Variants in FAM227B observed in about 807,000 individuals in gnomAD.
The protein encoded by FAM227B is family with sequence similarity 227 member B.
Under a neutral mutation model 73.8 loss-of-function variants are expected in FAM227B, and 88 were observed. The observed-to-expected ratio is 1.19, with a 90% CI of 1.00 to 1.42. The LOEUF (loss-of-function observed/expected upper bound fraction) is 1.42. Among genes scored for constraint, FAM227B ranks in the 40% most tolerant of loss-of-function variants. FAM227B has a pLI of 0.00. For synonymous variants in FAM227B, 210 were observed against 190.5 expected, an observed-to-expected ratio of 1.10 and a Z score of -0.84; for missense variants, 632 against 590.9, an observed-to-expected ratio of 1.07 and a Z score of -0.72.
At chr15:49,403,903 T>C (rs1021234395) in intron 11 of FAM227B, among the ~76,000 whole-genome samples, 1 of 152,210 alleles carries the variant, frequency 6.6e-6, no homozygotes, top group African/African-American at 2.4e-5. Flanking sequence ...TTTAGTCCTA[T>C]ACATTTCCCT....
At chr15:49,557,010 G>A (rs1388032104) in intron 9 of FAM227B, among the ~76,000 whole-genome samples, 1 of 152,092 alleles carries the variant, frequency 6.6e-6, no homozygotes, top group Admixed American at 6.5e-5. Context: ...GGAGTCACTG[G>A]GGCCAGGAAG....
chr15:49,499,432 T>A (rs1441221068), intron 11 of FAM227B, among the ~76,000 whole-genome samples: 5 of 152,172 alleles, frequency 3.3e-5, no homozygotes, highest in African/African-American at 1.2e-4. Context: ...GCATATTCTA[T>A]GTTTGTGAAC....
intron 5 of FAM227B, among the ~76,000 whole-genome samples, chr15:49,587,555 C>G (rs2076243902): frequency 6.6e-6 from 1 of 152,044 alleles, no homozygotes; most frequent in African/African-American, 2.4e-5. Context: ...GTTTTTCTAG[C>G]TCTAACATTA....
At chr15:49,386,364 C>A (rs941057662) in intron 11 of FAM227B, among the ~76,000 whole-genome samples, 4 of 151,632 alleles carry the variant, frequency 2.6e-5, no homozygotes, top group Admixed American at 2.6e-4. Flanking sequence ...CAAAACTATA[C>A]AAATACATGG....
intron 11 of FAM227B, among the ~76,000 whole-genome samples, chr15:49,457,762 A>G (rs978765092): frequency 6.6e-6 from 1 of 151,948 alleles, no homozygotes; most frequent in Non-Finnish European, 1.5e-5. Flanking sequence ...GTATATTTAA[A>G]ATTAAAAGAA....
intron 11 of FAM227B, among the ~76,000 whole-genome samples, chr15:49,497,470 G>A (rs1026690552): frequency 1.3e-5 from 2 of 152,138 alleles, no homozygotes; most frequent in African/African-American, 2.4e-5. Context: ...GTTTCTCACC[G>A]TCAATCCATA....
chr15:49,426,836 A>G (rs2050173227), intron 11 of FAM227B, among the ~76,000 whole-genome samples: 1 of 151,990 alleles, frequency 6.6e-6, no homozygotes, highest in South Asian at 2.1e-4. Flanking sequence ...TAAACTTTTT[A>G]ATAGGCTGTA....
At chr15:49,587,780 T>C (rs1228436807) in intron 5 of FAM227B, among the ~76,000 whole-genome samples, 1 of 152,062 alleles carries the variant, frequency 6.6e-6, no homozygotes, top group Non-Finnish European at 1.5e-5. Context: ...TGTAATAGTA[T>C]ACCTTGAAAT....
At chr15:49,602,931 C>A (rs949548965) in intron 3 of FAM227B, among the ~76,000 whole-genome samples, 1 of 152,130 alleles carries the variant, frequency 6.6e-6, no homozygotes, top group Non-Finnish European at 1.5e-5. Context: ...GTACTTAGCA[C>A]CTTTGTTGAA....
chr15:49,525,320 C>T (rs1009415202), intron 10 of FAM227B, among the ~76,000 whole-genome samples: 25 of 152,020 alleles, frequency 1.6e-4, no homozygotes, highest in Non-Finnish European at 2.2e-4. Flanking sequence ...GTTCTCTCTT[C>T]GCCTGCTGCC....
chr15:49,381,516 C>A (rs1261115392), intron 11 of FAM227B, among the ~76,000 whole-genome samples: 1 of 152,138 alleles, frequency 6.6e-6, no homozygotes, highest in East Asian at 1.9e-4. Flanking sequence ...CTTTATATTT[C>A]TTCTCATGTA....
intron 9 of FAM227B, among the ~76,000 whole-genome samples, chr15:49,556,259 T>C (rs1448323621): frequency 6.6e-6 from 1 of 152,180 alleles, no homozygotes; most frequent in Non-Finnish European, 1.5e-5. Context: ...TTTATCTTAT[T>C]TGATTTTGTC....
At chr15:49,345,260 G>T (rs2041300205) in intron 13 of FAM227B, among the ~76,000 whole-genome samples, 1 of 152,046 alleles carries the variant, frequency 6.6e-6, no homozygotes, top group African/African-American at 2.4e-5. Context: ...TTGAACATAT[G>T]ACTTTATTGA....
chr15:49,422,404 A>G, intron 11 of FAM227B: 1 of 496,870 alleles, frequency 2.0e-6, no homozygotes, highest in Non-Finnish European at 3.0e-6. Flanking sequence ...TTATAATTCC[A>G]TCTCTAAATT....
chr15:49,502,370 G>C (rs1009899123), intron 11 of FAM227B, among the ~76,000 whole-genome samples: 19 of 152,260 alleles, frequency 1.2e-4, no homozygotes, highest in African/African-American at 4.3e-4. Flanking sequence ...AGCTGCCCAA[G>C]GCCTTTGGTG....
At position 49,574,997 on chromosome 15, in the gene FAM227B, A is replaced by T; in HGVS notation, c.645+14T>A. The stretch of plus-strand genomic sequence containing the variant: ...AAATCAACTTAAAAAATAAATTTTT[A>T]AAAATCACTATACCCTAAATTTATG... On this transcript the variant is annotated intron_variant, in intron 8 of 15. Transcript: ENST00000299338. The T allele has an allele frequency of 6.8e-7, 1 of 1,469,328 alleles. No individual in the cohort carries two copies. The highest frequency in any genetic ancestry group is 9.3e-7 in the Non-Finnish European group (1 of 1,079,834). The allele number at this position is 1,469,328 out of a possible 1,614,324, so 91.0% of individuals were successfully genotyped here.
At chr15:49,564,631 A>C (rs1473685050) in intron 9 of FAM227B, among the ~76,000 whole-genome samples, 1 of 152,224 alleles carries the variant, frequency 6.6e-6, no homozygotes, top group Non-Finnish European at 1.5e-5. Context: ...AATGTGGTAC[A>C]TATACAACAT....
chr15:49,519,300 T>C (rs978751311), intron 10 of FAM227B, among the ~76,000 whole-genome samples: 20 of 152,160 alleles, frequency 1.3e-4, no homozygotes, highest in African/African-American at 4.8e-4. Context: ...TCAGTGGAGC[T>C]ACAATTCTGG....
chr15:49,389,689 A>T (rs529276508), intron 11 of FAM227B, among the ~76,000 whole-genome samples: 2 of 151,966 alleles, frequency 1.3e-5, no homozygotes, highest in Non-Finnish European at 2.9e-5. Context: ...TTCTTAAGGG[A>T]TATAAATGCA....
Sources: allele counts gnomAD v4.1 joint callset (sites outside exome capture counted in the v4.1 genomes callset), GRCh38; gene constraint gnomAD v4.1.1; transcripts MANE v1.5; gene names NCBI Gene and HGNC (gene_info 2026-07-23, HGNC 2026-07-21).